The following KCNMA1 variants were observed in gnomAD, a reference collection of about 807,000 sequenced individuals.
The protein encoded by KCNMA1 is Calcium-activated potassium channel subunit alpha-1.
In KCNMA1, 29 loss-of-function variants were observed where a neutral mutation model predicts 140.0. That is an observed-to-expected ratio of 0.21 (90% CI 0.15 to 0.28). KCNMA1 has a LOEUF of 0.28. KCNMA1 is among the 10% of genes least tolerant of loss of function. The pLI is 1.00. For synonymous variants in KCNMA1, 612 were observed against 611.9 expected, an observed-to-expected ratio of 1.00 and a Z score of 0.00; for missense variants, 880 against 1,602.2, an observed-to-expected ratio of 0.55 and a Z score of 7.70.
chr10:77,573,348 T>C (rs12777278), intron 1 of KCNMA1, among the ~76,000 whole-genome samples: 1 of 151,998 alleles, frequency 6.6e-6, no homozygotes, highest in Admixed American at 6.6e-5. Flanking sequence ...AACCACAGGA[T>C]AGGTCAGACA....
At chr10:77,392,742 T>C (rs1456235342) in intron 2 of KCNMA1, among the ~76,000 whole-genome samples, 2 of 152,306 alleles carry the variant, frequency 1.3e-5, no homozygotes, top group Non-Finnish European at 2.9e-5. Flanking sequence ...CCTCACACGC[T>C]TTCCCATCTC....
intron 22 of KCNMA1, among the ~76,000 whole-genome samples, chr10:76,945,648 A>C (rs1392987291): frequency 6.6e-6 from 1 of 152,214 alleles, no homozygotes; most frequent in African/African-American, 2.4e-5. Flanking sequence ...AGGAATGGAG[A>C]AATATACTTT....
intron 1 of KCNMA1, among the ~76,000 whole-genome samples, chr10:77,606,802 T>G (rs2084714816): frequency 6.6e-6 from 1 of 151,240 alleles, no homozygotes; most frequent in Non-Finnish European, 1.5e-5. Flanking sequence ...CCACCAAGAG[T>G]TTATCGTGTT....
At chr10:77,609,710 TTTTA>T (rs1167899258) in intron 1 of KCNMA1, among the ~76,000 whole-genome samples, 15 of 152,078 alleles carry the variant, frequency 9.9e-5, no homozygotes, top group African/African-American at 2.9e-4. Context: ...CAAGTACAAT[TTTTA>T]TTTATCCAGA....
At chr10:77,363,670 C>T (rs1351478146) in intron 2 of KCNMA1, among the ~76,000 whole-genome samples, 1 of 152,204 alleles carries the variant, frequency 6.6e-6, no homozygotes, top group Admixed American at 6.5e-5. Flanking sequence ...CTGGCTTGGC[C>T]ATCCAATTCA....
chr10:77,116,678 A>G (rs1336087584), intron 6 of KCNMA1, among the ~76,000 whole-genome samples: 1 of 152,066 alleles, frequency 6.6e-6, no homozygotes, highest in Non-Finnish European at 1.5e-5. Flanking sequence ...TGCCAATTCA[A>G]TCCCTTAATT....
At chr10:77,154,833 A>G (rs2098464485) in intron 5 of KCNMA1, among the ~76,000 whole-genome samples, 2 of 152,260 alleles carry the variant, frequency 1.3e-5, no homozygotes, top group African/African-American at 4.8e-5. Context: ...TGAAGCAAAC[A>G]AACAACTAAT....
intron 2 of KCNMA1, among the ~76,000 whole-genome samples, chr10:77,395,009 T>C (rs1002611272): frequency 3.3e-5 from 5 of 152,204 alleles, no homozygotes; most frequent in Non-Finnish European, 5.9e-5. Context: ...GAATTTCATA[T>C]AGCTTTCACA....
chr10:77,212,418 A>T (rs930156970), intron 3 of KCNMA1, among the ~76,000 whole-genome samples: 1 of 152,122 alleles, frequency 6.6e-6, no homozygotes, highest in African/African-American at 2.4e-5. Context: ...GGACATAAAC[A>T]TGGGAACAAT....
In KCNMA1 at chr10:77,130,976, G is replaced by T. The variant is rs368099021; in HGVS notation, c.809-9928C>A. 1.6e-4 allele frequency among the ~76,000 whole-genome samples: 24 copies of T among 152,254 alleles called. No homozygotes were observed. The East Asian group carries it at 3.9e-3, about 25-fold the overall frequency. Reference sequence around the variant, plus strand: ...AGGTTGATGGGGGGGTGGTTGGGATGCAGAGATCACAGTGAAGAAGAAAAC... The same window carrying T: ...AGGTTGATGGGGGGGTGGTTGGGATTCAGAGATCACAGTGAAGAAGAAAAC... On this transcript the variant is annotated intron_variant, in intron 5 of 27. Transcript: ENST00000286628.
chr10:77,264,971 T>A (rs919368014), intron 2 of KCNMA1, among the ~76,000 whole-genome samples: 1 of 152,186 alleles, frequency 6.6e-6, no homozygotes, highest in African/African-American at 2.4e-5. Context: ...ATGCCCTTTT[T>A]TTCTGGAACT....
chr10:77,143,239 A>G (rs1296322657), intron 5 of KCNMA1, among the ~76,000 whole-genome samples: 3 of 152,228 alleles, frequency 2.0e-5, no homozygotes, highest in African/African-American at 4.8e-5. Context: ...GAGTAAATAG[A>G]GTTTATCCCA....
intron 3 of KCNMA1, among the ~76,000 whole-genome samples, chr10:77,203,252 TG>T (rs1253697843): frequency 2.0e-5 from 3 of 152,212 alleles, no homozygotes; most frequent in African/African-American, 7.2e-5. Flanking sequence ...AAAGAAGTTT[TG>T]TAACAGTGGA....
At chr10:76,962,328 C>G (rs11001947) in intron 20 of KCNMA1, among the ~76,000 whole-genome samples, 27,879 of 152,158 alleles carry the variant, frequency 0.18, 2,793 homozygotes, top group African/African-American at 0.25. Context: ...ATTCTTTTCT[C>G]TGCTTGATTT....
intron 1 of KCNMA1, among the ~76,000 whole-genome samples, chr10:77,475,610 TA>T (rs1337088089): frequency 1.3e-5 from 2 of 151,786 alleles, no homozygotes; most frequent in Admixed American, 1.3e-4. Context: ...TAAGGCAGTG[TA>T]AAAAAAAGCA....
At chr10:77,185,544 C>A (rs1361135832) in intron 3 of KCNMA1, among the ~76,000 whole-genome samples, 2 of 151,938 alleles carry the variant, frequency 1.3e-5, no homozygotes, top group African/African-American at 4.8e-5. Flanking sequence ...CATTGTCCGA[C>A]CAGTCAAATT....
rs1217739407 is a variant in KCNMA1 at position 77,120,980 on chromosome 10, T to G, written c.877A>C (p.Lys293Gln). Residue 293 changes from lysine to glutamine, a missense_variant, in exon 6 of 28, where the codon AAA (lysine) becomes CAA (glutamine). Lys to Gln is a moderately conservative substitution (Grantham distance 53). Coordinates refer to ENST00000286628, the MANE Select transcript of KCNMA1 (RefSeq NM_001161352.2). Reference sequence around the variant, plus strand: ...TGACGAAGAACATCTTACCTTGTTTTAAGAATATTCAGAAACTGCAAAATT... The same window carrying G: ...TGACGAAGAACATCTTACCTTGTTTGAAGAATATTCAGAAACTGCAAAATT... ...SEILQFLNIL[K>Q]TSNSIKLVNL... 2 of 1,583,684 alleles carry G rather than the reference T, an allele frequency of 1.3e-6. No homozygotes were observed. Among genetic ancestry groups the G allele is most frequent in the African/African-American group, 2.7e-5 (2 of 74,396 alleles).
chr10:76,985,464 T>C (rs2081007648), intron 19 of KCNMA1, among the ~76,000 whole-genome samples: 1 of 152,252 alleles, frequency 6.6e-6, no homozygotes, highest in African/African-American at 2.4e-5. Context: ...TTTCCCTTTC[T>C]TTAAAAAATG....
chr10:77,041,107 G>A (rs1451304171), intron 14 of KCNMA1, among the ~76,000 whole-genome samples: 5 of 151,246 alleles, frequency 3.3e-5, no homozygotes, highest in Admixed American at 6.6e-5. Context: ...TCAGCCTCCT[G>A]AGTAGCTGGA....
Sources: allele counts gnomAD v4.1 joint callset (sites outside exome capture counted in the v4.1 genomes callset), GRCh38; gene constraint gnomAD v4.1.1; transcripts MANE v1.5; gene names NCBI Gene and HGNC (gene_info 2026-07-23, HGNC 2026-07-21).